The following FABP9 variants were observed in gnomAD, a reference collection of about 807,000 sequenced individuals.
The protein encoded by FABP9 is fatty acid binding protein 9.
Under a neutral mutation model 14.7 loss-of-function variants are expected in FABP9, and 11 were observed. The ratio of observed to expected loss-of-function variants is 0.75; its 90% CI spans 0.47 to 1.24. The LOEUF (loss-of-function observed/expected upper bound fraction) is 1.24, where lower values mean the gene tolerates loss of function less well. Ranked by LOEUF, FABP9 falls within the 50% of genes most tolerant of loss-of-function variation. The pLI is 0.00. For missense variants in FABP9, 171 were observed against 158.2 expected, an observed-to-expected ratio of 1.08 and a Z score of -0.44; for synonymous variants, 54 against 50.6, an observed-to-expected ratio of 1.07 and a Z score of -0.29.
chr8:81,461,356 G>A, intron 1 of FABP9, 95 bp downstream of exon 1: 1 of 890,206 alleles, frequency 1.1e-6, no homozygotes, highest in South Asian at 1.4e-5. Context: ...GATCACAAAA[G>A]GAAGATAATT....
rs755627838 is a variant in FABP9, at chr8:81,461,568, A to G, written c.-45T>C. On this transcript the variant is annotated 5_prime_UTR_variant, in exon 1 of 4. Coordinates refer to ENST00000379071, the MANE Select transcript of FABP9 (RefSeq NM_001080526.2). ...AGAGCCACTCGTAATTGAAAACCAA[A>G]GAAATATAGGCATTACGGTGCTGCC... is the stretch of plus-strand genomic sequence containing the variant. 4.2e-6 allele frequency: 6 copies of G among 1,422,566 alleles called. No homozygotes were observed. The Admixed American group carries it at 1.0e-4, about 24-fold the overall frequency. The allele number at this position is 1,422,566 out of a possible 1,614,324, so 88.1% of individuals were successfully genotyped here.
chr8:81,461,378 C>T, intron 1 of FABP9, 73 bp downstream of exon 1: 2 of 993,192 alleles, frequency 2.0e-6, no homozygotes, highest in Non-Finnish European at 3.2e-6. Context: ...TAGGAAAATT[C>T]ATGGTAAAGT....
At chr8:81,458,810 C>A (rs1438868664) in intron 2 of FABP9, 107 bp from the exon 3 acceptor site, 1 of 807,960 alleles carries the variant, frequency 1.2e-6, no homozygotes, top group Non-Finnish European at 1.9e-6. Flanking sequence ...TTCTTAAAAT[C>A]CTCACTTTTG....
chr8:81,458,436 A>C lies in FABP9; in HGVS notation c.349-3T>G, dbSNP rs1318523673. On this transcript the variant is annotated splice_region_variant and splice_polypyrimidine_tract_variant and intron_variant, in intron 3 of 3. Transcript: ENST00000379071. ...ACAATATTATTCATTTTACATTCCT[A>C]AAAGCAAAGAGGAATCTATTAGAGC... The C allele has an allele frequency of 6.2e-7, 1 of 1,609,714 alleles. No homozygotes were observed. The highest frequency in any genetic ancestry group is 1.3e-5 in the African/African-American group (1 of 74,856).
Position 81,458,332 on chromosome 8 carries a change from A to G in FABP9, c.*51T>C. On this transcript the variant is annotated 3_prime_UTR_variant, in exon 4 of 4. Transcript: ENST00000379071. ...ACCAGCCCTGAGGCATATCTTCTTCAGGTACCAGTTCCTTGTCAGTGAACA... is the reference window on the plus strand; with the variant it reads ...ACCAGCCCTGAGGCATATCTTCTTCGGGTACCAGTTCCTTGTCAGTGAACA... The G allele has an allele frequency of 7.3e-7, 1 of 1,376,916 alleles. No homozygotes were observed. The highest frequency in any genetic ancestry group is 1.0e-6 in the Non-Finnish European group (1 of 966,884). 85.3% of individuals were successfully genotyped at this position (1,376,916 alleles called of 1,614,324 possible). A position where few individuals can be genotyped will look rare whatever the true frequency, so the allele number is the denominator to read the frequency against.
At chr8:81,458,467 G>A (rs1472809940) in intron 3 of FABP9, 34 bp from the exon 4 acceptor site, 1 of 1,573,202 alleles carries the variant, frequency 6.4e-7, no homozygotes, top group South Asian at 1.1e-5. Flanking sequence ...AGAGCTGGTA[G>A]ATAACAGGCT....
At position 81,458,377 on chromosome 8, in the gene FABP9, C is replaced by T. The variant is rs756506559; in HGVS notation, c.*6G>A. 22 of 1,608,376 alleles carry T rather than the reference C, an allele frequency of 1.4e-5. No individual in the cohort carries two copies. The highest frequency in any genetic ancestry group is 1.3e-4 in the East Asian group (6 of 44,834). On this transcript the variant is annotated 3_prime_UTR_variant, in exon 4 of 4. Transcript: ENST00000379071. ...TGAACAAGTTTTCATTGCTGTGGAC[C>T]TTTCTTCACACCTTTTCGTAGATTC...
Position 81,460,457 on chromosome 8 carries a change from C to G in FABP9, c.73+994G>C, listed in dbSNP as rs557307861. ...AGGCCCAAGTTTTTTATATACCCCC[C>G]CAATTTTTATTCAAAACAAGTGAGT... On this transcript the variant is annotated intron_variant, in intron 1 of 3. Transcript: ENST00000379071. Among the ~76,000 whole-genome samples, 28 of 152,234 alleles carry G rather than the reference C, an allele frequency of 1.8e-4. No homozygotes were observed. The South Asian group carries it at 5.8e-3, about 32-fold the overall frequency.
At chr8:81,459,464 T>G in intron 1 of FABP9, 127 bp from the exon 2 acceptor site, 1 of 817,956 alleles carries the variant, frequency 1.2e-6, no homozygotes, top group Admixed American at 3.6e-5. Flanking sequence ...ACTTATTTTA[T>G]GTTTTCTGTG....
chr8:81,460,139 A>C (rs1807668843), intron 1 of FABP9, among the ~76,000 whole-genome samples: 1 of 152,138 alleles, frequency 6.6e-6, no homozygotes, highest in South Asian at 2.1e-4. Flanking sequence ...AGCTGGGATT[A>C]CAGGCACATG....
At chr8:81,459,635 C>G (rs1425991008) in intron 1 of FABP9, among the ~76,000 whole-genome samples, 1 of 152,110 alleles carries the variant, frequency 6.6e-6, no homozygotes, top group African/African-American at 2.4e-5. Flanking sequence ...TGGAGTGTTA[C>G]GATAACCTTG....
In FABP9 at chr8:81,461,439, G is replaced by T; in HGVS notation, c.73+12C>A. ...CTTTGCCAATTTCCAAATTTGTAAT[G>T]GTATTTCTCACCCAGTTCTTTCATG... is the stretch of plus-strand genomic sequence containing the variant. On this transcript the variant is annotated intron_variant, in intron 1 of 3. Coordinates refer to ENST00000379071, the MANE Select transcript of FABP9 (RefSeq NM_001080526.2). 6.3e-7 allele frequency: 1 copy of T among 1,591,524 alleles called. No homozygotes were observed. Among genetic ancestry groups the T allele is most frequent in the Non-Finnish European group, 8.6e-7 (1 of 1,159,576 alleles).
intron 1 of FABP9, among the ~76,000 whole-genome samples, chr8:81,461,230 G>A (rs1208766417): frequency 6.6e-6 from 1 of 152,126 alleles, no homozygotes; most frequent in Non-Finnish European, 1.5e-5. Flanking sequence ...TAAATATATG[G>A]ATCATGACTG....
At chr8:81,461,367 G>A in intron 1 of FABP9, 84 bp downstream of exon 1, 1 of 924,414 alleles carries the variant, frequency 1.1e-6, no homozygotes, top group South Asian at 1.3e-5. Flanking sequence ...GAAGATAATT[G>A]TAGGAAAATT....
In FABP9 at chr8:81,461,496, T is replaced by G. The variant is rs1807693543; in HGVS notation, c.28A>C (p.Lys10Gln). The change falls in exon 1 of 4, where the codon AAG becomes CAG. Residue 10 changes from lysine to glutamine, a missense_variant. Coordinates refer to ENST00000379071, the MANE Select transcript of FABP9 (RefSeq NM_001080526.2). MVEPFLGTW[K>Q]LVSSENFEDY... ...TCAAAGTTTTCACTGGAGACCAGCT[T>G]CCAGGTTCCCAAGAAGGGCTCAACC... 1 of 1,613,752 alleles carries G rather than the reference T, an allele frequency of 6.2e-7. No individual in the cohort carries two copies. Among genetic ancestry groups the G allele is most frequent in the East Asian group, 2.2e-5 (1 of 44,858 alleles).
intron 1 of FABP9, among the ~76,000 whole-genome samples, chr8:81,461,056 A>G (rs1282341014): frequency 6.6e-6 from 1 of 152,222 alleles, no homozygotes; most frequent in Non-Finnish European, 1.5e-5. Context: ...TTAAAGCTAT[A>G]ACTTAAACCT....
Position 81,458,292 on chromosome 8 carries a change from CA to C in FABP9, c.*90del. On this transcript the variant is annotated 3_prime_UTR_variant, in exon 4 of 4. Transcript: ENST00000379071. ...TTTATTAAGCAAATTTATATTGAGA[CA>C]TTTTTTAAAAATCACCAGCCCTGAG... 2 of 964,780 alleles carry C rather than the reference CA, an allele frequency of 2.1e-6. No homozygotes were observed. The highest frequency in any genetic ancestry group is 2.0e-5 in the Admixed American group (1 of 49,052). The allele number at this position is 964,780 out of a possible 1,614,324, so 59.8% of individuals were successfully genotyped here. A position where few individuals can be genotyped will look rare whatever the true frequency, so the allele number is the denominator to read the frequency against.
chr8:81,461,500 G>A lies in FABP9; in HGVS notation c.24C>T (p.Thr8=). 6.2e-7 allele frequency: 1 copy of A among 1,613,644 alleles called. No individual in the cohort carries two copies. Among genetic ancestry groups the A allele is most frequent in the Non-Finnish European group, 8.5e-7 (1 of 1,179,686 alleles). Residue 8 remains threonine, a synonymous_variant, in exon 1 of 4, where the codon ACC becomes ACT. Transcript: ENST00000379071. The stretch of plus-strand genomic sequence containing the variant: ...AGTTTTCACTGGAGACCAGCTTCCA[G>A]GTTCCCAAGAAGGGCTCAACCATCA... The part of the protein sequence containing the change: MVEPFLG[T]WKLVSSENFE...
intron 1 of FABP9, 110 bp from the exon 2 acceptor site, chr8:81,459,447 T>G: frequency 1.1e-6 from 1 of 948,892 alleles, no homozygotes; most frequent in Non-Finnish European, 1.5e-6. Context: ...TTGGATAATG[T>G]ATAGTAACTT....
Sources: gnomAD v4.1 joint callset for allele counts (sites outside exome capture counted in the v4.1 genomes callset) on GRCh38, gnomAD v4.1.1 for gene constraint, MANE v1.5 for transcripts, NCBI Gene and HGNC (gene_info 2026-07-23, HGNC 2026-07-21) for gene names.